The following TENM3 variants were observed in gnomAD, a reference collection of about 807,000 sequenced individuals.
The protein encoded by TENM3 is teneurin transmembrane protein 3, also known as teneurin-3.
In TENM3, 63 loss-of-function variants were observed where a neutral mutation model predicts 255.1. The observed-to-expected ratio is 0.25, with a 90% CI of 0.20 to 0.30. The LOEUF (loss-of-function observed/expected upper bound fraction) is 0.30. Among genes scored for constraint, TENM3 ranks in the 10% least tolerant of loss-of-function variants. The pLI is 1.00. For synonymous variants in TENM3, 1,306 were observed against 1,322.3 expected (o/e 0.99, Z 0.27); for missense variants, 2,929 against 3,461.1 (o/e 0.85, Z 3.86).
intron 4 of TENM3, among the ~76,000 whole-genome samples, chr4:182,624,863 C>T (rs1373055578): frequency 6.6e-6 from 1 of 152,026 alleles, no homozygotes; most frequent in Admixed American, 6.6e-5. Flanking sequence ...CTTGATTTAC[C>T]GCACAAATAA....
chr4:182,012,607 T>C, the TENM3 span: 1 of 152,218 alleles, frequency 6.6e-6, no homozygotes, highest in African/African-American at 2.4e-5. Context: ...CCCTGCAACA[T>C]GTGGTGGATA....
intron 3 of TENM3, among the ~76,000 whole-genome samples, chr4:182,583,890 T>G (rs1745755147): frequency 6.6e-6 from 1 of 152,220 alleles, no homozygotes; most frequent in Non-Finnish European, 1.5e-5. Flanking sequence ...TATGTGTCTT[T>G]GGCACTTATT....
chr4:182,160,066 G>C (rs564779947), intron 1 of TENM3, among the ~76,000 whole-genome samples: 15 of 147,806 alleles, frequency 1.0e-4, no homozygotes, highest in African/African-American at 3.2e-4. Flanking sequence ...GCAGCGGTGC[G>C]ATCTCGGCTC....
At chr4:182,569,249 GTCT>G (rs1407669676) in intron 3 of TENM3, among the ~76,000 whole-genome samples, 4 of 152,120 alleles carry the variant, frequency 2.6e-5, no homozygotes, top group Non-Finnish European at 5.9e-5. Context: ...AGTGGCTCAA[GTCT>G]TCTTAGAAAA....
intron 12 of TENM3, among the ~76,000 whole-genome samples, chr4:182,690,492 C>T (rs898711598): frequency 2.0e-5 from 3 of 152,202 alleles, no homozygotes; most frequent in Non-Finnish European, 4.4e-5. Context: ...CCTCTGATCA[C>T]ATTCCCTCAT....
chr4:181,559,506 A>T, the TENM3 span, among the ~76,000 whole-genome samples: 3 of 152,232 alleles, frequency 2.0e-5, no homozygotes, highest in Non-Finnish European at 4.4e-5. Flanking sequence ...TGGGCAATGT[A>T]TTAAAGCTCT....
chr4:181,850,204 A>G, the TENM3 span, among the ~76,000 whole-genome samples: 3 of 151,060 alleles, frequency 2.0e-5, no homozygotes, highest in African/African-American at 7.3e-5. Flanking sequence ...CTTACTCTCA[A>G]TTCTCATTTT....
chr4:181,958,978 A>G, the TENM3 span, among the ~76,000 whole-genome samples: 1 of 152,234 alleles, frequency 6.6e-6, no homozygotes, highest in Admixed American at 6.5e-5. Flanking sequence ...ATCATAATAC[A>G]CAAGTATAAT....
chr4:182,267,577 G>C (rs984081296), intron 1 of TENM3, among the ~76,000 whole-genome samples: 3 of 152,090 alleles, frequency 2.0e-5, no homozygotes, highest in Non-Finnish European at 2.9e-5. Context: ...GAAGCCTCAA[G>C]TTATCTTGGG....
intron 3 of TENM3, among the ~76,000 whole-genome samples, chr4:182,395,738 T>C (rs1401546593): frequency 6.6e-6 from 1 of 152,210 alleles, no homozygotes; most frequent in Non-Finnish European, 1.5e-5. Context: ...AAAGAGGTCA[T>C]TCAGTTTCTC....
intron 3 of TENM3, among the ~76,000 whole-genome samples, chr4:182,408,684 AAG>A (rs1360086211): frequency 6.6e-6 from 1 of 152,352 alleles, no homozygotes; most frequent in Admixed American, 6.5e-5. Context: ...GTTTAAAATA[AAG>A]AGTCATCCTT....
the TENM3 span, among the ~76,000 whole-genome samples, chr4:181,607,742 C>T: frequency 1.8e-4 from 27 of 152,274 alleles, no homozygotes; most frequent in Non-Finnish European, 3.5e-4. Flanking sequence ...TCAGTGGCTA[C>T]CACACTGGCC....
the TENM3 span, among the ~76,000 whole-genome samples, chr4:181,643,674 A>T: frequency 7.2e-5 from 11 of 152,170 alleles, no homozygotes; most frequent in African/African-American, 2.7e-4. Context: ...AAGGGTCAAT[A>T]ATTACAACAT....
the TENM3 span, among the ~76,000 whole-genome samples, chr4:181,721,684 G>A: frequency 8.6e-5 from 13 of 150,958 alleles, no homozygotes; most frequent in Admixed American, 7.9e-4. Flanking sequence ...AGGGAAGATG[G>A]AAGTCAAACC....
intron 1 of TENM3, among the ~76,000 whole-genome samples, chr4:182,285,443 A>G (rs11732877): frequency 0.25 from 38,227 of 152,070 alleles, 6,056 homozygotes; most frequent in African/African-American, 0.44. Context: ...GTGTCTGCTG[A>G]TACTGACTGT....
intron 22 of TENM3, among the ~76,000 whole-genome samples, chr4:182,770,615 T>TCCCCCAC (rs1241668865): frequency 1.9e-3 from 285 of 152,240 alleles, no homozygotes; most frequent in African/African-American, 6.7e-3. Flanking sequence ...CCTGGCCAGG[T>TCCCCCAC]CCCCACCTGG....
intron 1 of TENM3, among the ~76,000 whole-genome samples, chr4:182,204,622 A>G (rs1415192279): frequency 6.6e-6 from 1 of 152,194 alleles, no homozygotes; most frequent in African/African-American, 2.4e-5. Context: ...TAGTCAGCAC[A>G]TCGTGGTCTT....
At chr4:181,685,967 A>T in the TENM3 span, among the ~76,000 whole-genome samples, 1 of 152,180 alleles carries the variant, frequency 6.6e-6, no homozygotes, top group South Asian at 2.1e-4. Flanking sequence ...TATTGTTCTG[A>T]CATTTTAGCC....
chr4:181,960,191 A>G, the TENM3 span, among the ~76,000 whole-genome samples: 1 of 152,226 alleles, frequency 6.6e-6, no homozygotes, highest in Non-Finnish European at 1.5e-5. Context: ...TCTATTTAGC[A>G]TTAATGTTGT....
Sources: allele counts gnomAD v4.1 joint callset (sites outside exome capture counted in the v4.1 genomes callset), GRCh38; gene constraint gnomAD v4.1.1; transcripts MANE v1.5; gene names NCBI Gene and HGNC (gene_info 2026-07-23, HGNC 2026-07-21).